The following MTUS2 variants were observed in gnomAD, a reference collection of about 807,000 sequenced individuals.
MTUS2 encodes microtubule associated scaffold protein 2, also known as microtubule-associated tumor suppressor candidate 2.
A neutral mutation model predicts 114.1 loss-of-function variants in MTUS2; 40 were observed. That is an observed-to-expected ratio of 0.35 (90% confidence interval 0.27 to 0.46). The LOEUF (loss-of-function observed/expected upper bound fraction) is 0.46, where lower values mean the gene tolerates loss of function less well. Ranked by LOEUF, MTUS2 falls within the 20% of genes least tolerant of loss-of-function variation. MTUS2 has a pLI of 1.00. For synonymous variants in MTUS2, 688 were observed against 672.0 expected, an observed-to-expected ratio of 1.02 and a Z score of -0.37; for missense variants, 1,679 against 1,705.4, an observed-to-expected ratio of 0.98 and a Z score of 0.27.
chr13:29,095,532 ATAAT>A (rs1337891916), intron 4 of MTUS2, among the ~76,000 whole-genome samples: 5 of 148,738 alleles, frequency 3.4e-5, no homozygotes, highest in African/African-American at 9.9e-5. Flanking sequence ...GTATACATTA[ATAAT>A]TTAAATAAAT....
At chr13:28,866,930 T>C (rs1320683430) in intron 2 of MTUS2, among the ~76,000 whole-genome samples, 2 of 152,214 alleles carry the variant, frequency 1.3e-5, no homozygotes, top group Admixed American at 6.5e-5. Context: ...ATAAAGTTTT[T>C]AAGGACAGCA....
intron 8 of MTUS2, among the ~76,000 whole-genome samples, chr13:29,396,758 T>C (rs1873943811): frequency 6.6e-6 from 1 of 152,232 alleles, no homozygotes; most frequent in South Asian, 2.1e-4. Context: ...TTCATCCTTG[T>C]TCAGCCCACT....
At chr13:29,307,780 G>A (rs571798784) in intron 6 of MTUS2, 2 of 1,019,146 alleles carry the variant, frequency 2.0e-6, no homozygotes, top group African/African-American at 1.6e-5. Flanking sequence ...GTCCTCCAAG[G>A]AGTAAGACCC....
intron 9 of MTUS2, among the ~76,000 whole-genome samples, chr13:29,465,442 G>A (rs935834856): frequency 1.3e-5 from 2 of 152,146 alleles, no homozygotes; most frequent in Non-Finnish European, 2.9e-5. Flanking sequence ...TTTACTTACC[G>A]CAGCACTGGG....
chr13:29,005,928 T>C (rs1566286292), intron 2 of MTUS2, among the ~76,000 whole-genome samples: 1 of 152,252 alleles, frequency 6.6e-6, no homozygotes, highest in South Asian at 2.1e-4. Context: ...ACTATTTCCA[T>C]GTTCTGGCAG....
At chr13:29,081,569 G>C (rs889228326) in intron 4 of MTUS2, among the ~76,000 whole-genome samples, 4 of 150,980 alleles carry the variant, frequency 2.6e-5, no homozygotes, top group African/African-American at 9.7e-5. Context: ...CAAAGTGTTA[G>C]GTTGGTGCAA....
intron 2 of MTUS2, among the ~76,000 whole-genome samples, chr13:28,973,423 T>G (rs1883945346): frequency 6.6e-6 from 1 of 152,192 alleles, no homozygotes; most frequent in South Asian, 2.1e-4. Flanking sequence ...AAAATATATT[T>G]CTGAGGGTCA....
chr13:29,080,799 C>T (rs1409848960), intron 4 of MTUS2, among the ~76,000 whole-genome samples: 1 of 152,148 alleles, frequency 6.6e-6, no homozygotes, highest in East Asian at 1.9e-4. Context: ...AATCTCAGCT[C>T]ACTGCAACCT....
intron 2 of MTUS2, among the ~76,000 whole-genome samples, chr13:29,008,447 G>C (rs1050447785): frequency 6.6e-6 from 1 of 152,102 alleles, no homozygotes; most frequent in African/African-American, 2.4e-5. Context: ...TCATCTCTGG[G>C]CCTGGCCACC....
At chr13:28,952,550 A>T (rs1355402588) in intron 2 of MTUS2, among the ~76,000 whole-genome samples, 1 of 151,934 alleles carries the variant, frequency 6.6e-6, no homozygotes, top group Non-Finnish European at 1.5e-5. Context: ...CTCTTCTGTC[A>T]TCTTATCTCT....
intron 2 of MTUS2, among the ~76,000 whole-genome samples, chr13:28,973,011 A>T (rs1008526159): frequency 1.3e-5 from 2 of 152,238 alleles, no homozygotes; most frequent in Admixed American, 1.3e-4. Context: ...TATATCAAAA[A>T]ATATATATAG....
intron 4 of MTUS2, among the ~76,000 whole-genome samples, chr13:29,052,722 G>A (rs1887959612): frequency 6.6e-6 from 1 of 152,086 alleles, no homozygotes; most frequent in African/African-American, 2.4e-5. Flanking sequence ...TTTTTTAAAG[G>A]CTAAACTTGT....
At chr13:28,907,230 C>A (rs575751514) in intron 2 of MTUS2, among the ~76,000 whole-genome samples, 11 of 151,552 alleles carry the variant, frequency 7.3e-5, no homozygotes, top group African/African-American at 2.7e-4. Flanking sequence ...CCAGGCCTGC[C>A]CTAAAAGAGC....
At chr13:29,075,063 A>G (rs573456636) in intron 4 of MTUS2, among the ~76,000 whole-genome samples, 6 of 152,256 alleles carry the variant, frequency 3.9e-5, no homozygotes, top group South Asian at 4.1e-4. Context: ...GTCTCTATAC[A>G]TTTGCCTATT....
chr13:29,480,074 C>T lies in MTUS2; in HGVS notation c.3185-76C>T. 1 of 1,433,774 alleles carries T rather than the reference C, an allele frequency of 7.0e-7. No individual in the cohort carries two copies. Among genetic ancestry groups the T allele is most frequent in the South Asian group, 1.3e-5 (1 of 78,318 alleles). The allele number at this position is 1,433,774 out of a possible 1,614,324, so 88.8% of individuals were successfully genotyped here. On this transcript the variant is annotated intron_variant, in intron 9 of 15. Transcript: ENST00000612955. This position sits in a 1 kb window ranked among gnomAD's most constrained non-coding sequence, Gnocchi z 4.4. ...TGTTTATTACGCCAGCCTTGATGATCTGACCATGGAGGCTGAGTCCTTCCC... is the reference window on the plus strand; with the variant it reads ...TGTTTATTACGCCAGCCTTGATGATTTGACCATGGAGGCTGAGTCCTTCCC...
chr13:29,399,695 G>A (rs1234310777), intron 8 of MTUS2, among the ~76,000 whole-genome samples: 7 of 152,192 alleles, frequency 4.6e-5, no homozygotes, highest in East Asian at 1.9e-4. Flanking sequence ...GTGGGCCAAC[G>A]TATGAAAGTT....
At position 29,326,244 on chromosome 13, in the gene MTUS2, A is replaced by G. The variant is rs1464289762; in HGVS notation, c.2905+1533A>G. ...GAACCTTTGACCACAAGCCAGCCCC[A>G]CTGCAGTTTAAGAGCTGGAGTCTGT... On this transcript the variant is annotated intron_variant, in intron 7 of 15. Coordinates refer to ENST00000612955, the MANE Select transcript of MTUS2 (RefSeq NM_001033602.4). Among the ~76,000 whole-genome samples, 7 of 152,252 alleles carry G rather than the reference A, an allele frequency of 4.6e-5. No individual in the cohort carries two copies. The East Asian group carries it at 1.4e-3, about 29-fold the overall frequency.
chr13:29,148,413 C>T (rs1447572153), intron 5 of MTUS2, among the ~76,000 whole-genome samples: 8 of 151,074 alleles, frequency 5.3e-5, no homozygotes, highest in African/African-American at 1.7e-4. Context: ...CCCCATGTGT[C>T]CATGTGTTCT....
chr13:29,195,539 GAAAA>G (rs59726006), intron 5 of MTUS2, among the ~76,000 whole-genome samples: 6 of 78,528 alleles, frequency 7.6e-5, no homozygotes, highest in South Asian at 4.8e-4. Flanking sequence ...ACTTAATTCT[GAAAA>G]AAAAAAAAAA....
Sources: gnomAD v4.1 joint callset for allele counts (sites outside exome capture counted in the v4.1 genomes callset) on GRCh38, gnomAD v4.1.1 for gene constraint, Gnocchi (gnomAD v3.1) non-coding constraint, MANE v1.5 for transcripts, NCBI Gene and HGNC (gene_info 2026-07-23, HGNC 2026-07-21) for gene names.